Variants in YTHDC2 observed in about 807,000 individuals in gnomAD.
YTHDC2 encodes the protein 3'-5' RNA helicase YTHDC2.
Under a neutral mutation model 174.9 loss-of-function variants are expected in YTHDC2, and 45 were observed. That is an observed-to-expected ratio of 0.26 (90% CI 0.20 to 0.33). YTHDC2 has a LOEUF of 0.33. YTHDC2 is among the 10% of genes least tolerant of loss of function. YTHDC2 has a pLI of 1.00. For missense variants in YTHDC2, 1,650 were observed against 1,723.7 expected (o/e 0.96, Z 0.76); for synonymous variants, 657 against 574.5 (o/e 1.14, Z -2.05).
chr5:113,520,215 G>A (rs536783334), intron 2 of YTHDC2, among the ~76,000 whole-genome samples: 208 of 152,234 alleles, frequency 1.4e-3, no homozygotes, highest in African/African-American at 4.7e-3. Flanking sequence ...CGATGTCCCC[G>A]CAAAGGACAT....
At chr5:113,518,195 G>GTTT (rs376068693) in intron 2 of YTHDC2, among the ~76,000 whole-genome samples, 5 of 113,338 alleles carry the variant, frequency 4.4e-5, no homozygotes, top group Non-Finnish European at 5.8e-5. Flanking sequence ...GCGTTTTTTT[G>GTTT]TTTTTTTTTT....
At chr5:113,543,354 A>G (rs1775616335) in intron 10 of YTHDC2, among the ~76,000 whole-genome samples, 1 of 152,206 alleles carries the variant, frequency 6.6e-6, no homozygotes, top group Non-Finnish European at 1.5e-5. Flanking sequence ...AGCAAAGCAT[A>G]CAGAAAGTCT....
chr5:113,514,471 CAT>C (rs1322754962), intron 1 of YTHDC2, among the ~76,000 whole-genome samples: 5 of 152,200 alleles, frequency 3.3e-5, no homozygotes, highest in Non-Finnish European at 7.3e-5. Context: ...AGAAATCAAA[CAT>C]ATAAATAAAT....
chr5:113,583,775 C>A (rs1778529228), intron 25 of YTHDC2: 1 of 152,404 alleles, frequency 6.6e-6, no homozygotes, highest in Non-Finnish European at 1.5e-5. Flanking sequence ...AGCCACTGCA[C>A]CCGGACTCCA....
chr5:113,581,741 AC>A (rs1320769250), intron 25 of YTHDC2, 32 bp downstream of exon 25: 1 of 1,429,332 alleles, frequency 7.0e-7, no homozygotes, highest in Non-Finnish European at 9.2e-7. Flanking sequence ...AAAATGGGTC[AC>A]TTTTTATTCA....
At position 113,531,847 on chromosome 5, in the gene YTHDC2, G is replaced by A. The variant is rs62373761; in HGVS notation, c.676-1032G>A. ...TTGATGGTACCAAGTATTTGTATGGGTGTTGGAAGGCAGCTCTTCTGCTTT... is the reference window on the plus strand; with the variant it reads ...TTGATGGTACCAAGTATTTGTATGGATGTTGGAAGGCAGCTCTTCTGCTTT... On this transcript the variant is annotated intron_variant, in intron 4 of 29. Coordinates refer to ENST00000161863, the MANE Select transcript of YTHDC2 (RefSeq NM_022828.5). Among the ~76,000 whole-genome samples the A allele has an allele frequency of 3.9e-5, 6 of 152,168 alleles. No homozygotes were observed. In the South Asian group the frequency reaches 6.2e-4, roughly 16 times the overall value.
chr5:113,530,800 G>A (rs780197821), intron 4 of YTHDC2, among the ~76,000 whole-genome samples: 1 of 151,294 alleles, frequency 6.6e-6, no homozygotes, highest in Non-Finnish European at 1.5e-5. Flanking sequence ...GAAGATTCAA[G>A]TTTCTGGCCT....
Position 113,567,037 on chromosome 5 carries a change from C to T in YTHDC2, c.2843-55C>T, listed in dbSNP as rs912059211. On this transcript the variant is annotated intron_variant, in intron 21 of 29. Coordinates refer to ENST00000161863, the MANE Select transcript of YTHDC2 (RefSeq NM_022828.5). ...GTTGTACAAGTTTTTGGAAAAAATA[C>T]ACAAAAGTATCTTTTGCACAATAGA... The T allele has an allele frequency of 2.6e-6, 4 of 1,528,110 alleles. No individual in the cohort carries two copies. In the African/African-American group the frequency reaches 4.2e-5, roughly 16 times the overall value. 94.7% of individuals were successfully genotyped at this position (1,528,110 alleles called of 1,614,324 possible). A position where few individuals can be genotyped will look rare whatever the true frequency, so the allele number is the denominator to read the frequency against.
chr5:113,534,656 A>T (rs1044843224), intron 6 of YTHDC2, among the ~76,000 whole-genome samples: 2 of 152,166 alleles, frequency 1.3e-5, no homozygotes, highest in African/African-American at 4.8e-5. Context: ...AAAATAAAAT[A>T]AGCAGGTAGT....
intron 26 of YTHDC2, among the ~76,000 whole-genome samples, chr5:113,585,272 A>G (rs1331210335): frequency 6.6e-6 from 1 of 152,158 alleles, no homozygotes; most frequent in Non-Finnish European, 1.5e-5. Context: ...CTATCTTTAA[A>G]AAAACTTGTA....
Position 113,593,471 on chromosome 5 carries a change from C to A in YTHDC2, c.*8-11C>A. 1.7e-6 allele frequency: 2 copies of A among 1,160,990 alleles called. No individual in the cohort carries two copies. Among genetic ancestry groups the A allele is most frequent in the Non-Finnish European group, 2.5e-6 (2 of 811,858 alleles). The allele number at this position is 1,160,990 out of a possible 1,614,324, so 71.9% of individuals were successfully genotyped here. ...CAGATTATTTATCTTTTTTTTTCCCCTTTCTTCTAGAACTCTTAGCTGTGG... is the reference window on the plus strand; with the variant it reads ...CAGATTATTTATCTTTTTTTTTCCCATTTCTTCTAGAACTCTTAGCTGTGG... On this transcript the variant is annotated splice_polypyrimidine_tract_variant and intron_variant, in intron 29 of 29. Coordinates refer to ENST00000161863, the MANE Select transcript of YTHDC2 (RefSeq NM_022828.5).
At chr5:113,522,134 G>GTTTTTTTTTT (rs371407386) in intron 2 of YTHDC2, among the ~76,000 whole-genome samples, 28 of 106,336 alleles carry the variant, frequency 2.6e-4, no homozygotes, top group South Asian at 3.9e-4. Context: ...TGTTTTTTTT[G>GTTTTTTTTTT]TTTTTTGTTT....
chr5:113,569,001 C>T (rs1187002966), intron 23 of YTHDC2, among the ~76,000 whole-genome samples: 2 of 152,030 alleles, frequency 1.3e-5, no homozygotes, highest in Non-Finnish European at 2.9e-5. Context: ...TAAAAGTGTT[C>T]CTTTTTCTCT....
Position 113,563,996 on chromosome 5 carries a change from T to C in YTHDC2, c.2580T>C (p.Ile860=). Residue 860 remains isoleucine (I), a synonymous_variant, in exon 20 of 30, where the codon ATT becomes ATC. Transcript: ENST00000161863. ...AGTGTCTGGACCCCATCCTTACAAT[T>C]GCTTGCACACTAGCTTATCGAGATC... ...VLKCLDPILT[I]ACTLAYRDPF... 6.2e-7 allele frequency: 1 copy of C among 1,614,138 alleles called. No homozygotes were observed. The highest frequency in any genetic ancestry group is 8.5e-7 in the Non-Finnish European group (1 of 1,180,022).
Position 113,595,181 on chromosome 5 carries a change from G to C in YTHDC2, c.*1707G>C, listed in dbSNP as rs1354594729. The C allele has an allele frequency of 6.6e-6, 1 of 151,906 alleles. No homozygotes were observed. Among genetic ancestry groups the C allele is most frequent in the Non-Finnish European group, 1.5e-5 (1 of 67,962 alleles). 9.4% of individuals were successfully genotyped at this position (151,906 alleles called of 1,614,324 possible). On this transcript the variant is annotated 3_prime_UTR_variant, in exon 30 of 30. Transcript: ENST00000161863. Reference sequence around the variant, plus strand: ...ATATCTAGCTCTATATGTAAATGATGGGTTTGTTGGTATTTAAAATGAATA... The same window carrying C: ...ATATCTAGCTCTATATGTAAATGATCGGTTTGTTGGTATTTAAAATGAATA...
In YTHDC2 at chr5:113,541,111, C is replaced by A. The variant is rs781014326; in HGVS notation, c.1354C>A (p.Gln452Lys). ...TGATGGTGGTGATGCTGTCTTCAGT[C>A]AGCTGGTATGACCTCCCTGGTTTCC... ...LDDGGDAVFS[Q>K]LTEKDVNCLE... The change falls in exon 9 of 30, where the codon CAG becomes AAG. Residue 452 changes from glutamine (Q) to lysine (K), a missense_variant. Gln to Lys is a moderately conservative substitution (Grantham distance 53). Coordinates refer to ENST00000161863, the MANE Select transcript of YTHDC2 (RefSeq NM_022828.5). 1.9e-6 allele frequency: 3 copies of A among 1,613,838 alleles called. No homozygotes were observed. The highest frequency in any genetic ancestry group is 1.1e-5 in the South Asian group (1 of 91,034).
intron 26 of YTHDC2, among the ~76,000 whole-genome samples, chr5:113,590,629 T>G (rs1007951616): frequency 9.9e-5 from 15 of 152,246 alleles, no homozygotes; most frequent in Non-Finnish European, 1.6e-4. Context: ...CTTCGGTCTC[T>G]GAACTCCAGT....
chr5:113,569,432 G>A (rs1227201778), intron 23 of YTHDC2, among the ~76,000 whole-genome samples: 2 of 152,130 alleles, frequency 1.3e-5, no homozygotes, highest in East Asian at 3.9e-4. Flanking sequence ...CCTATGTCCT[G>A]AATGGTATTG....
In YTHDC2 at chr5:113,549,036, A is replaced by C; in HGVS notation, c.1688+16A>C. The C allele has an allele frequency of 1.3e-6, 2 of 1,590,230 alleles. No homozygotes were observed. The highest frequency in any genetic ancestry group is 1.7e-6 in the Non-Finnish European group (2 of 1,161,222). On this transcript the variant is annotated intron_variant, in intron 12 of 29. Coordinates refer to ENST00000161863, the MANE Select transcript of YTHDC2 (RefSeq NM_022828.5). ...AATCTTACAGGTAAAACTTTGTACT[A>C]TTTTAAATTAATTCTACCGTCTCTT...
Sources: gnomAD v4.1 joint callset for allele counts (sites outside exome capture counted in the v4.1 genomes callset) on GRCh38, gnomAD v4.1.1 for gene constraint, MANE v1.5 for transcripts, NCBI Gene and HGNC (gene_info 2026-07-23, HGNC 2026-07-21) for gene names.